PGAP1: variants seen among roughly 807,000 people sequenced by gnomAD.
The protein encoded by PGAP1 is GPI inositol-deacylase.
PGAP1 carries 76 observed loss-of-function variants against 127.0 expected under a neutral mutation model. The observed-to-expected ratio is 0.60, with a 90% CI of 0.50 to 0.72. PGAP1 has a LOEUF of 0.72. Ranked by LOEUF, PGAP1 falls within the 30% of genes least tolerant of loss-of-function variation. The probability of loss-of-function intolerance (pLI) is 0.00; values close to 1 mark genes in which losing one functional copy is unlikely to be tolerated. For missense variants in PGAP1, 982 were observed against 1,071.3 expected (o/e 0.92, Z 1.16); for synonymous variants, 362 against 366.5 (o/e 0.99, Z 0.14).
intron 20 of PGAP1, among the ~76,000 whole-genome samples, chr2:196,862,219 G>A (rs1260384212): frequency 6.6e-6 from 1 of 151,862 alleles, no homozygotes; most frequent in Admixed American, 6.6e-5. Flanking sequence ...GTCTATAGAC[G>A]GGCTCCCTGG....
At chr2:196,876,803 G>A (rs746183461) in intron 13 of PGAP1, among the ~76,000 whole-genome samples, 7 of 152,022 alleles carry the variant, frequency 4.6e-5, no homozygotes, top group Non-Finnish European at 8.8e-5. Flanking sequence ...GTGAAAAACA[G>A]ACAGGGAAAT....
chr2:196,898,271 G>A lies in PGAP1; in HGVS notation c.860+46C>T, dbSNP rs776824543. ...TAAATTACTGCATTGAGGAGAAAGA[G>A]GACCATGACAACTCATCAAAACAAG... On this transcript the variant is annotated intron_variant, in intron 6 of 26. Coordinates refer to ENST00000354764, the MANE Select transcript of PGAP1 (RefSeq NM_024989.4). 1.5e-5 allele frequency: 19 copies of A among 1,295,542 alleles called. No homozygotes were observed. The Admixed American group carries it at 3.4e-4, about 23-fold the overall frequency. The allele number at this position is 1,295,542 out of a possible 1,614,324, so 80.3% of individuals were successfully genotyped here.
chr2:196,843,938 C>A lies in PGAP1; in HGVS notation c.2475G>T (p.Trp825Cys). ...MHSTVINLLT[W>C]IVLLSMPSLI... ...GAGAAGGCATGCTGAGTAATACAAT[C>A]CATGTTAGTAAGTTAATCACAGTAC... is the stretch of plus-strand genomic sequence containing the variant. The change falls in exon 25 of 27, where the codon TGG becomes TGT. Residue 825 changes from tryptophan to cysteine, a missense_variant. Physicochemically the swap from Trp to Cys is radical, Grantham distance 215. Transcript: ENST00000354764. 5 of 1,589,430 alleles carry A rather than the reference C, an allele frequency of 3.1e-6. No individual in the cohort carries two copies. The highest frequency in any genetic ancestry group is 4.3e-6 in the Non-Finnish European group (5 of 1,165,366).
In PGAP1 at chr2:196,874,931, G is replaced by A. The variant is rs564736380; in HGVS notation, c.1426+815C>T. ...CTCAGGAGGCTGAGGTGGAAGGATC[G>A]CTTAAGCCCAGGAGGCAGAGGTTGC... On this transcript the variant is annotated intron_variant, in intron 14 of 26. Transcript: ENST00000354764. Among the ~76,000 whole-genome samples, 6 of 152,184 alleles carry A rather than the reference G, an allele frequency of 3.9e-5. No homozygotes were observed. In the East Asian group the frequency reaches 5.8e-4, roughly 15 times the overall value.
rs1700268347 is a variant in PGAP1, at chr2:196,837,417, C to T, written c.*3817G>A. ...CCGAGGTGGGAGGATCGCTTGAAAC[C>T]AGGAGTTCAAGATCAGCTTGGGCAA... On this transcript the variant is annotated 3_prime_UTR_variant, in exon 27 of 27. Transcript: ENST00000354764. 6.6e-6 allele frequency: 1 copy of T among 152,176 alleles called. No homozygotes were observed. Among genetic ancestry groups the T allele is most frequent in the African/African-American group, 2.4e-5 (1 of 41,386 alleles). The allele number at this position is 152,176 out of a possible 1,614,324, so 9.4% of individuals were successfully genotyped here.
intron 20 of PGAP1, among the ~76,000 whole-genome samples, chr2:196,860,232 T>C (rs1701021184): frequency 6.6e-6 from 1 of 151,962 alleles, no homozygotes; most frequent in Non-Finnish European, 1.5e-5. Flanking sequence ...ATGAAAAATC[T>C]GAAAAAGAAA....
intron 7 of PGAP1, 97 bp downstream of exon 7, chr2:196,897,034 T>A (rs1347812451): frequency 1.5e-6 from 1 of 685,748 alleles, no homozygotes; most frequent in Non-Finnish European, 2.4e-6. Context: ...TCTATTTTCA[T>A]CAAAGTAAAA....
chr2:196,876,242 C>A (rs1486848927), intron 13 of PGAP1, among the ~76,000 whole-genome samples: 1 of 151,974 alleles, frequency 6.6e-6, no homozygotes, highest in Non-Finnish European at 1.5e-5. Flanking sequence ...TGTTTTATAT[C>A]TTTTTGAAAA....
chr2:196,870,896 A>C, intron 19 of PGAP1, 45 bp downstream of exon 19: 2 of 1,523,682 alleles, frequency 1.3e-6, no homozygotes, highest in South Asian at 2.3e-5. Flanking sequence ...AGAGTTATCT[A>C]TTCATAAAGC....
intron 20 of PGAP1, among the ~76,000 whole-genome samples, chr2:196,859,766 T>C (rs898094360): frequency 5.9e-5 from 9 of 152,148 alleles, no homozygotes; most frequent in African/African-American, 1.9e-4. Flanking sequence ...AAGTATAAAA[T>C]CATTTCAATA....
At chr2:196,918,347 C>G (rs1483063719) in intron 2 of PGAP1, among the ~76,000 whole-genome samples, 1 of 152,118 alleles carries the variant, frequency 6.6e-6, no homozygotes, top group African/African-American at 2.4e-5. Context: ...GGGTATCTAG[C>G]TTACAGAAGC....
At position 196,844,077 on chromosome 2, in the gene PGAP1, T is replaced by C. The variant is rs1559328283; in HGVS notation, c.2338-2A>G. 2 of 1,514,342 alleles carry C rather than the reference T, an allele frequency of 1.3e-6. No individual in the cohort carries two copies. Among genetic ancestry groups the C allele is most frequent in the Non-Finnish European group, 1.8e-6 (2 of 1,116,224 alleles). 93.8% of individuals were successfully genotyped at this position (1,514,342 alleles called of 1,614,324 possible). A position where few individuals can be genotyped will look rare whatever the true frequency, so the allele number is the denominator to read the frequency against. On this transcript the variant is annotated splice_acceptor_variant, in intron 24 of 26. Transcript: ENST00000354764. LOFTEE classifies it high-confidence loss of function. The stretch of plus-strand genomic sequence containing the variant: ...ACTTCTTCTAGAGTGTTTGGGATTC[T>C]ATAAAACAATAAAGTAGAAATATCA...
chr2:196,920,942 C>G (rs1233983376), intron 1 of PGAP1, among the ~76,000 whole-genome samples: 1 of 152,022 alleles, frequency 6.6e-6, no homozygotes, highest in Non-Finnish European at 1.5e-5. Flanking sequence ...TTAATGTCAT[C>G]CTCAAAGGTA....
chr2:196,897,132 T>C lies in PGAP1; in HGVS notation c.926A>G (p.Gln309Arg). Reference sequence around the variant, plus strand: ...AATTTTTAGTTTAAAAATACATACTTGTTTAGTATCAGCATCAATAAGATC... The same window carrying C: ...AATTTTTAGTTTAAAAATACATACTCGTTTAGTATCAGCATCAATAAGATC... The part of the protein sequence containing the change: ...FFDLIDADTK[Q>R]ITQNSKKKLS... The change falls in exon 7 of 27, where the codon CAA becomes CGA. Residue 309 changes from glutamine (Q) to arginine (R), a missense_variant and splice_region_variant. Physicochemically the swap from Gln to Arg is conservative, Grantham distance 43. Coordinates refer to ENST00000354764, the MANE Select transcript of PGAP1 (RefSeq NM_024989.4). 6.5e-7 allele frequency: 1 copy of C among 1,531,260 alleles called. No homozygotes were observed. Among genetic ancestry groups the C allele is most frequent in the Non-Finnish European group, 8.9e-7 (1 of 1,119,224 alleles). 94.9% of individuals were successfully genotyped at this position (1,531,260 alleles called of 1,614,324 possible).
At chr2:196,854,957 A>C (rs1338899231) in intron 20 of PGAP1, among the ~76,000 whole-genome samples, 1 of 150,978 alleles carries the variant, frequency 6.6e-6, no homozygotes, top group Non-Finnish European at 1.5e-5. Flanking sequence ...TATTCTTTTT[A>C]AACTTTTTTT....
intron 3 of PGAP1, among the ~76,000 whole-genome samples, chr2:196,915,056 T>C (rs1267734078): frequency 6.6e-6 from 1 of 152,178 alleles, no homozygotes; most frequent in Non-Finnish European, 1.5e-5. Context: ...TTAATCCTCA[T>C]CTTATTTGAC....
Position 196,901,109 on chromosome 2 carries a change from C to A in PGAP1, c.807+1476G>T, listed in dbSNP as rs151087232. Among the ~76,000 whole-genome samples the A allele has an allele frequency of 1.4e-3, 209 of 152,286 alleles. 1 individual carries two copies. The highest frequency in any genetic ancestry group is 4.8e-3 in the African/African-American group (201 of 41,556). ...CAGACAAGGTCCAGGAAATAAGTTA[C>A]ATCAAATTTCATATGACTAAATCGT... On this transcript the variant is annotated intron_variant, in intron 5 of 26. Coordinates refer to ENST00000354764, the MANE Select transcript of PGAP1 (RefSeq NM_024989.4).
chr2:196,898,064 A>G (rs1456930455), intron 6 of PGAP1, among the ~76,000 whole-genome samples: 1 of 152,114 alleles, frequency 6.6e-6, no homozygotes, highest in Non-Finnish European at 1.5e-5. Context: ...CTAAAACTAC[A>G]AAAATTAGCC....
intron 4 of PGAP1, among the ~76,000 whole-genome samples, chr2:196,905,542 T>C (rs1254572238): frequency 1.3e-5 from 2 of 152,190 alleles, no homozygotes; most frequent in Non-Finnish European, 2.9e-5. Context: ...GGAATATTTC[T>C]CACTTAACTA....
Sources: allele counts gnomAD v4.1 joint callset (sites outside exome capture counted in the v4.1 genomes callset), GRCh38; gene constraint gnomAD v4.1.1; transcripts MANE v1.5; gene names NCBI Gene and HGNC (gene_info 2026-07-23, HGNC 2026-07-21).